EIF4E: variants seen among roughly 807,000 people sequenced by gnomAD.
The protein encoded by EIF4E is eIF-4F 25 kDa subunit.
For missense variants in EIF4E, 113 were observed against 265.6 expected, an observed-to-expected ratio of 0.43 and a Z score of 3.99; for synonymous variants, 71 against 88.5, an observed-to-expected ratio of 0.80 and a Z score of 1.11.
At chr4:98,927,822 C>A (rs1490642938) in intron 1 of EIF4E, among the ~76,000 whole-genome samples, 1 of 152,040 alleles carries the variant, frequency 6.6e-6, no homozygotes, top group Non-Finnish European at 1.5e-5. Flanking sequence ...TGCTAATAAA[C>A]CCCATTATGC....
intron 1 of EIF4E, among the ~76,000 whole-genome samples, chr4:98,902,564 G>T (rs1011128280): frequency 6.6e-6 from 1 of 151,838 alleles, no homozygotes; most frequent in Non-Finnish European, 1.5e-5. Flanking sequence ...TAAATAGCAG[G>T]AAGACTGTCA....
intron 1 of EIF4E, among the ~76,000 whole-genome samples, chr4:98,928,395 G>A (rs1019946929): frequency 1.3e-5 from 2 of 152,060 alleles, no homozygotes; most frequent in Admixed American, 6.5e-5. Context: ...CGTGACACAC[G>A]AGTGTTCCTT....
chr4:98,916,963 CAT>C (rs1725404192), intron 1 of EIF4E, among the ~76,000 whole-genome samples: 1 of 151,896 alleles, frequency 6.6e-6, no homozygotes, highest in Admixed American at 6.6e-5. Context: ...AAATGTTTAC[CAT>C]ATATAAAGGG....
intron 1 of EIF4E, chr4:98,928,830 CG>C: frequency 2.0e-6 from 3 of 1,524,704 alleles, no homozygotes; most frequent in Non-Finnish European, 2.7e-6. Context: ...AGACACCTCG[CG>C]GTTCCGCAGG....
Position 98,882,164 on chromosome 4 carries a change from G to A in EIF4E, c.540-1022C>T, listed in dbSNP as rs567366844. Among the ~76,000 whole-genome samples, 1,153 of 151,742 alleles carry A rather than the reference G, an allele frequency of 7.6e-3. 14 individuals carry two copies. Among genetic ancestry groups the A allele is most frequent in the Non-Finnish European group, 0.012 (826 of 67,708 alleles). ...TCCCAGCACTTTGGGAGGCCGAGGC[G>A]GGCGGATCACGAGGTCAGGAGATCG... On this transcript the variant is annotated intron_variant, in intron 6 of 6. Coordinates refer to ENST00000450253, the MANE Select transcript of EIF4E (RefSeq NM_001968.5).
chr4:98,928,771 C>T, intron 1 of EIF4E: 12 of 1,313,922 alleles, frequency 9.1e-6, no homozygotes, highest in Non-Finnish European at 1.2e-5. Flanking sequence ...ATCATGAAGA[C>T]ACCATCCTCG....
At chr4:98,928,950 C>T in intron 1 of EIF4E, 145 bp downstream of exon 1, 1 of 1,578,422 alleles carries the variant, frequency 6.3e-7, no homozygotes, top group Non-Finnish European at 8.6e-7. Context: ...CCCCACTTGT[C>T]CGCGGGAGGT....
At chr4:98,883,334 C>A (rs1320266637) in intron 6 of EIF4E, among the ~76,000 whole-genome samples, 1 of 150,590 alleles carries the variant, frequency 6.6e-6, no homozygotes, top group Non-Finnish European at 1.5e-5. Context: ...AAGGGGCAAA[C>A]CAAACATTTT....
Position 98,887,996 on chromosome 4 carries a change from A to G in EIF4E, c.222-44T>C. On this transcript the variant is annotated intron_variant, in intron 3 of 6. Transcript: ENST00000450253. The surrounding 1 kb of genome is among the most constrained non-coding windows in gnomAD (Gnocchi z 4.0). ...CAATTAAAAACACAGAATATGTAATATAGAGTTTAGGTGCTTACATATATA... is the reference window on the plus strand; with the variant it reads ...CAATTAAAAACACAGAATATGTAATGTAGAGTTTAGGTGCTTACATATATA... 6.6e-7 allele frequency: 1 copy of G among 1,517,676 alleles called. No homozygotes were observed. Among genetic ancestry groups the G allele is most frequent in the Non-Finnish European group, 9.1e-7 (1 of 1,098,758 alleles). 94.0% of individuals were successfully genotyped at this position (1,517,676 alleles called of 1,614,324 possible).
At chr4:98,923,139 C>T (rs1725723108) in intron 1 of EIF4E, among the ~76,000 whole-genome samples, 1 of 151,398 alleles carries the variant, frequency 6.6e-6, no homozygotes, top group Non-Finnish European at 1.5e-5. Flanking sequence ...GCGTGAGCCA[C>T]CACGCCCGGC....
At chr4:98,928,921 C>T in intron 1 of EIF4E, 174 bp downstream of exon 1, 1 of 1,570,646 alleles carries the variant, frequency 6.4e-7, no homozygotes, top group South Asian at 1.2e-5. Context: ...CACGCCGCCT[C>T]GGCCATCCTC....
chr4:98,883,393 A>AAT (rs34903883), intron 6 of EIF4E, among the ~76,000 whole-genome samples: 4 of 103,898 alleles, frequency 3.8e-5, no homozygotes, highest in Admixed American at 2.8e-4. Flanking sequence ...TGTAAGTCAA[A>AAT]TTTTTTTTTT....
intron 5 of EIF4E, among the ~76,000 whole-genome samples, chr4:98,885,504 G>A (rs1364437157): frequency 6.6e-6 from 1 of 152,154 alleles, no homozygotes; most frequent in Non-Finnish European, 1.5e-5. Context: ...CTGGAGTGCA[G>A]TGGGATCATC....
At chr4:98,928,983 G>C (rs1417161165) in intron 1 of EIF4E, 112 bp downstream of exon 1, 3 of 1,572,372 alleles carry the variant, frequency 1.9e-6, no homozygotes. Flanking sequence ...GAAGGGGAAG[G>C]GGCGGCAAGG....
intron 1 of EIF4E, among the ~76,000 whole-genome samples, chr4:98,921,536 T>G (rs944358845): frequency 1.3e-5 from 2 of 152,102 alleles, no homozygotes; most frequent in African/African-American, 4.8e-5. Flanking sequence ...GCTTGGCTAA[T>G]TTTTGTATTT....
intron 6 of EIF4E, among the ~76,000 whole-genome samples, chr4:98,884,413 A>G (rs1347483807): frequency 2.0e-5 from 3 of 151,422 alleles, no homozygotes. Flanking sequence ...TAAAAAACAT[A>G]TGAAAAAGGC....
intron 6 of EIF4E, among the ~76,000 whole-genome samples, chr4:98,882,163 C>T (rs1331265382): frequency 4.6e-5 from 7 of 151,720 alleles, no homozygotes; most frequent in Non-Finnish European, 1.0e-4. Flanking sequence ...GAGGCCGAGG[C>T]GGGCGGATCA....
intron 1 of EIF4E, 24 bp downstream of exon 1, chr4:98,929,071 G>C: frequency 6.3e-7 from 1 of 1,580,122 alleles, no homozygotes. Flanking sequence ...ACCCGTGGGG[G>C]TGGGGGCCAA....
At chr4:98,928,882 C>G in intron 1 of EIF4E, 2 of 1,549,158 alleles carry the variant, frequency 1.3e-6, no homozygotes, top group Non-Finnish European at 8.7e-7. Context: ...TCCCCCAGTT[C>G]TCGGGCCCCC....
Sources: allele counts gnomAD v4.1 joint callset (sites outside exome capture counted in the v4.1 genomes callset), GRCh38; gene constraint gnomAD v4.1.1; non-coding constraint Gnocchi (gnomAD v3.1); transcripts MANE v1.5; gene names NCBI Gene and HGNC (gene_info 2026-07-23, HGNC 2026-07-21).